STRBP: variants seen among roughly 807,000 people sequenced by gnomAD.
STRBP encodes spermatid perinuclear RNA binding protein, also known as spermatid perinuclear RNA-binding protein.
A neutral mutation model predicts 80.1 loss-of-function variants in STRBP; 13 were observed. That is an observed-to-expected ratio of 0.16 (90% confidence interval 0.11 to 0.26). The LOEUF (loss-of-function observed/expected upper bound fraction) is 0.26. Ranked by LOEUF, STRBP falls within the 10% of genes least tolerant of loss-of-function variation. The pLI, the probability that STRBP is intolerant of heterozygous loss-of-function variation, is 1.00. For synonymous variants in STRBP, 284 were observed against 291.2 expected, an observed-to-expected ratio of 0.98 and a Z score of 0.25; for missense variants, 485 against 815.2, an observed-to-expected ratio of 0.59 and a Z score of 4.93.
At chr9:123,233,560 A>T (rs1462572014) in intron 2 of STRBP, among the ~76,000 whole-genome samples, 1 of 152,258 alleles carries the variant, frequency 6.6e-6, no homozygotes, top group East Asian at 1.9e-4. Context: ...TGTAAGATAC[A>T]GTTAATGAAA....
At chr9:123,176,779 T>C (rs758186706) in intron 4 of STRBP, among the ~76,000 whole-genome samples, 4 of 152,174 alleles carry the variant, frequency 2.6e-5, no homozygotes, top group Non-Finnish European at 5.9e-5. Context: ...AATTTAAAAA[T>C]TGGAACATAG....
chr9:123,206,399 T>A (rs1007452365), intron 2 of STRBP, among the ~76,000 whole-genome samples: 1 of 152,150 alleles, frequency 6.6e-6, no homozygotes, highest in African/African-American at 2.4e-5. Flanking sequence ...CATTTTGGAA[T>A]GGGGGAGTCA....
In STRBP at chr9:123,122,857, C is replaced by T; in HGVS notation, c.*2740G>A. On this transcript the variant is annotated 3_prime_UTR_variant, in exon 19 of 19. Coordinates refer to ENST00000348403, the MANE Select transcript of STRBP (RefSeq NM_018387.5). Reference sequence around the variant, plus strand: ...GCTCACACGCTAATTTTAAGCTCTACACTGACCTGTAAACTCCCTGACAAG... The same window carrying T: ...GCTCACACGCTAATTTTAAGCTCTATACTGACCTGTAAACTCCCTGACAAG... The T allele has an allele frequency of 1.0e-6, 1 of 985,880 alleles. No homozygotes were observed. Among genetic ancestry groups the T allele is most frequent in the Non-Finnish European group, 1.2e-6 (1 of 830,250 alleles). 61.1% of individuals were successfully genotyped at this position (985,880 alleles called of 1,614,324 possible). A position where few individuals can be genotyped will look rare whatever the true frequency, so the allele number is the denominator to read the frequency against.
chr9:123,130,919 A>G (rs1408121648), intron 17 of STRBP, among the ~76,000 whole-genome samples: 2 of 152,064 alleles, frequency 1.3e-5, no homozygotes, highest in African/African-American at 4.8e-5. Flanking sequence ...TGCCTCCAGT[A>G]GCAATACTAT....
intron 1 of STRBP, among the ~76,000 whole-genome samples, chr9:123,237,513 A>G (rs1401187209): frequency 4.6e-5 from 7 of 152,078 alleles, no homozygotes; most frequent in Admixed American, 4.6e-4. Context: ...TTATATTTGT[A>G]CAACTTTCAC....
intron 5 of STRBP, among the ~76,000 whole-genome samples, chr9:123,171,114 T>G (rs2037987678): frequency 6.6e-6 from 1 of 152,210 alleles, no homozygotes; most frequent in African/African-American, 2.4e-5. Flanking sequence ...ACATTCATTT[T>G]GTCACTAAAA....
intron 2 of STRBP, among the ~76,000 whole-genome samples, chr9:123,200,505 T>C (rs1468860619): frequency 6.6e-6 from 1 of 151,952 alleles, no homozygotes; most frequent in African/African-American, 2.4e-5. Flanking sequence ...AGTCTCTGAA[T>C]GTCTGGTAGA....
chr9:123,237,665 C>T (rs888376613), intron 1 of STRBP, among the ~76,000 whole-genome samples: 1 of 151,898 alleles, frequency 6.6e-6, no homozygotes, highest in African/African-American at 2.4e-5. Context: ...TGATGTGGAA[C>T]ACCTGCTCTC....
chr9:123,136,271 A>C lies in STRBP; in HGVS notation c.1633-90T>G. 1.9e-6 allele frequency: 3 copies of C among 1,594,830 alleles called. No individual in the cohort carries two copies. The highest frequency in any genetic ancestry group is 2.6e-6 in the Non-Finnish European group (3 of 1,170,932). ...TAGATTATGACACAGAAAACACCAAAAATCAAATAGTGCCACAAGAACTGA... is the reference window on the plus strand; with the variant it reads ...TAGATTATGACACAGAAAACACCAACAATCAAATAGTGCCACAAGAACTGA... On this transcript the variant is annotated intron_variant, in intron 15 of 18. Coordinates refer to ENST00000348403, the MANE Select transcript of STRBP (RefSeq NM_018387.5). The surrounding 1 kb of genome is among the most constrained non-coding windows in gnomAD (Gnocchi z 4.2).
intron 1 of STRBP, among the ~76,000 whole-genome samples, chr9:123,239,831 G>A (rs1053643011): frequency 2.6e-5 from 4 of 152,188 alleles, no homozygotes; most frequent in African/African-American, 7.2e-5. Flanking sequence ...CTAGCCACCT[G>A]ACACGAGAAG....
At chr9:123,163,972 G>C (rs1323173314) in intron 6 of STRBP, among the ~76,000 whole-genome samples, 1 of 152,178 alleles carries the variant, frequency 6.6e-6, no homozygotes, top group Non-Finnish European at 1.5e-5. Context: ...GAAACAGCAT[G>C]GGAGGCAGGA....
intron 2 of STRBP, among the ~76,000 whole-genome samples, chr9:123,116,458 GAAAAC>G (rs1278141356): frequency 7.9e-5 from 12 of 152,078 alleles, no homozygotes; most frequent in Admixed American, 1.3e-4. Context: ...TGGCAAAAAA[GAAAAC>G]AAAACAAAAA....
chr9:123,128,987 A>G (rs534399740), intron 17 of STRBP, among the ~76,000 whole-genome samples: 2 of 152,378 alleles, frequency 1.3e-5, no homozygotes, highest in South Asian at 4.1e-4. Context: ...GATTAGAAAT[A>G]TTACCTATAT....
intron 2 of STRBP, among the ~76,000 whole-genome samples, chr9:123,194,093 C>A (rs1349403439): frequency 1.3e-5 from 2 of 152,136 alleles, no homozygotes; most frequent in East Asian, 3.8e-4. Flanking sequence ...ACCTAAAATG[C>A]AAGTAGGAGC....
intron 3 of STRBP, chr9:123,181,051 G>C (rs2038436920): frequency 4.6e-6 from 2 of 435,592 alleles, no homozygotes; most frequent in Non-Finnish European, 3.1e-6. Flanking sequence ...ATAAAGCAAA[G>C]AAAACTTTGG....
chr9:123,244,452 A>G (rs972663720), intron 1 of STRBP, among the ~76,000 whole-genome samples: 108 of 152,216 alleles, frequency 7.1e-4, no homozygotes, highest in African/African-American at 2.5e-3. Context: ...TAAGCCATAG[A>G]CTAGTTAATA....
chr9:123,154,334 A>G (rs1029592007), intron 11 of STRBP, among the ~76,000 whole-genome samples: 1 of 152,228 alleles, frequency 6.6e-6, no homozygotes, highest in Non-Finnish European at 1.5e-5. Flanking sequence ...GCCAGTCACG[A>G]AAGATTAAAC....
intron 11 of STRBP, among the ~76,000 whole-genome samples, chr9:123,155,130 C>T (rs1301935239): frequency 6.6e-6 from 1 of 152,114 alleles, no homozygotes. Context: ...AGCAAAGACA[C>T]GAGTTGATGC....
chr9:123,122,561 C>T lies in STRBP; in HGVS notation c.*3036G>A. Reference sequence around the variant, plus strand: ...AGAACTATATAAACTCAACTCCTTACTTCACCACCCATGCACTTCATCTAG... The same window carrying T: ...AGAACTATATAAACTCAACTCCTTATTTCACCACCCATGCACTTCATCTAG... On this transcript the variant is annotated 3_prime_UTR_variant, in exon 19 of 19. Transcript: ENST00000348403. 1 of 1,129,552 alleles carries T rather than the reference C, an allele frequency of 8.9e-7. No homozygotes were observed. Among genetic ancestry groups the T allele is most frequent in the Non-Finnish European group, 1.1e-6 (1 of 914,238 alleles). The allele number at this position is 1,129,552 out of a possible 1,614,324, so 70.0% of individuals were successfully genotyped here.
Sources: allele counts gnomAD v4.1 joint callset (sites outside exome capture counted in the v4.1 genomes callset), GRCh38; gene constraint gnomAD v4.1.1; non-coding constraint Gnocchi (gnomAD v3.1); transcripts MANE v1.5; gene names NCBI Gene and HGNC (gene_info 2026-07-23, HGNC 2026-07-21).